Variants in SOX5 observed in about 807,000 individuals in gnomAD.
SOX5 encodes the protein SRY-box transcription factor 5, also known as transcription factor SOX-5.
A neutral mutation model predicts 92.0 loss-of-function variants in SOX5; 9 were observed. That is an observed-to-expected ratio of 0.10 (90% CI 0.06 to 0.17). SOX5 has a LOEUF of 0.17. Ranked by LOEUF, SOX5 falls within the 10% of genes least tolerant of loss-of-function variation. The pLI, the probability that SOX5 is intolerant of heterozygous loss-of-function variation, is 1.00. For synonymous variants in SOX5, 344 were observed against 336.3 expected (o/e 1.02, Z -0.25); for missense variants, 642 against 944.5 (o/e 0.68, Z 4.20).
At chr12:24,304,829 AG>A (rs1223028660) in intron 2 of SOX5, among the ~76,000 whole-genome samples, 1 of 152,132 alleles carries the variant, frequency 6.6e-6, no homozygotes, top group Non-Finnish European at 1.5e-5. Context: ...TGGACAGTCT[AG>A]ACCCTCCCTC....
chr12:24,164,713 C>T (rs1350966721), intron 4 of SOX5, among the ~76,000 whole-genome samples: 2 of 152,054 alleles, frequency 1.3e-5, no homozygotes, highest in African/African-American at 4.8e-5. Flanking sequence ...TTACTTTTCA[C>T]TTGTGTTATC....
chr12:23,709,865 T>C (rs1224384828), intron 6 of SOX5, among the ~76,000 whole-genome samples: 3 of 152,182 alleles, frequency 2.0e-5, no homozygotes, highest in Non-Finnish European at 4.4e-5. Flanking sequence ...TGGATGAATT[T>C]TGAACATTTA....
At chr12:24,065,790 C>T (rs547801737) in intron 4 of SOX5, among the ~76,000 whole-genome samples, 108 of 152,196 alleles carry the variant, frequency 7.1e-4, no homozygotes, top group African/African-American at 2.5e-3. Flanking sequence ...ACTTTGTGCC[C>T]AGGCCCTTAA....
chr12:24,082,585 G>A (rs1023704590), intron 4 of SOX5, among the ~76,000 whole-genome samples: 3 of 151,550 alleles, frequency 2.0e-5, no homozygotes, highest in Admixed American at 1.3e-4. Flanking sequence ...TGCAAGAAAC[G>A]GTGCCCTTAT....
intron 2 of SOX5, among the ~76,000 whole-genome samples, chr12:23,863,960 A>G (rs1332222291): frequency 1.3e-5 from 2 of 151,492 alleles, no homozygotes; most frequent in Non-Finnish European, 1.5e-5. Flanking sequence ...ACTCTGCTTT[A>G]CTGTGCTCCA....
intron 1 of SOX5, among the ~76,000 whole-genome samples, chr12:24,512,085 G>A (rs1021750700): frequency 1.1e-4 from 16 of 151,896 alleles, no homozygotes; most frequent in East Asian, 1.9e-4. Flanking sequence ...TTCCAATCAC[G>A]GGGAATATAA....
chr12:23,808,114 GAT>G (rs68032222), intron 3 of SOX5, among the ~76,000 whole-genome samples: 86,140 of 149,778 alleles, frequency 0.58, 24,685 homozygotes, highest in East Asian at 0.82. Flanking sequence ...TCAGAATTCT[GAT>G]ATATATATAT....
chr12:23,576,921 G>A (rs12229765), intron 9 of SOX5, among the ~76,000 whole-genome samples: 18,525 of 150,972 alleles, frequency 0.12, 1,482 homozygotes, highest in Non-Finnish European at 0.17. Context: ...TAGTTTCCAC[G>A]TAGCTATTTC....
At chr12:23,954,674 T>C (rs924076690), upstream of SOX5, among the ~76,000 whole-genome samples, 2 of 152,028 alleles carry the variant, frequency 1.3e-5, no homozygotes, top group African/African-American at 2.4e-5. Context: ...CCATAATACA[T>C]GTATGCCAAG....
intron 3 of SOX5, among the ~76,000 whole-genome samples, chr12:23,801,978 T>C (rs1240239889): frequency 6.6e-6 from 1 of 152,200 alleles, no homozygotes; most frequent in Non-Finnish European, 1.5e-5. Context: ...GAAAGTCTTT[T>C]TCTGGGAAAT....
chr12:23,726,118 C>CGAGAGAGA lies in SOX5; in HGVS notation c.810+8558_810+8565dup, dbSNP rs60575337. Among the ~76,000 whole-genome samples the CGAGAGAGA allele has an allele frequency of 4.1e-3, 508 of 123,594 alleles. 14 individuals are homozygous for CGAGAGAGA. The highest frequency in any genetic ancestry group is 6.1e-3 in the Non-Finnish European group (359 of 59,278). 81.1% of individuals were successfully genotyped at this position (123,594 alleles called of 152,430 possible). A position where few individuals can be genotyped will look rare whatever the true frequency, so the allele number is the denominator to read the frequency against. On this transcript the variant is annotated intron_variant, in intron 6 of 14. Coordinates refer to ENST00000451604, the MANE Select transcript of SOX5 (RefSeq NM_006940.6). ...TAATGGTGTTAAATACATACATCCCCGAGAGAGAGAGAGAGAGAGAGAGAG... is the reference window on the plus strand; with the variant it reads ...TAATGGTGTTAAATACATACATCCCCGAGAGAGAGAGAGAGAGAGAGAGAGAGAGAGAG...
chr12:24,429,651 C>CACA (rs1365408633), intron 1 of SOX5, among the ~76,000 whole-genome samples: 1 of 150,184 alleles, frequency 6.7e-6, no homozygotes, highest in African/African-American at 2.4e-5. Flanking sequence ...CACACACACA[C>CACA]CCCATGAGCA....
intron 1 of SOX5, among the ~76,000 whole-genome samples, chr12:24,373,779 G>A (rs905878481): frequency 2.0e-5 from 3 of 152,140 alleles, no homozygotes; most frequent in Admixed American, 1.3e-4. Flanking sequence ...ACTGCCACTC[G>A]TAACAGATAT....
chr12:24,553,509 T>C (rs1295965884), intron 1 of SOX5, among the ~76,000 whole-genome samples: 1 of 152,200 alleles, frequency 6.6e-6, no homozygotes, highest in Non-Finnish European at 1.5e-5. Flanking sequence ...AGCAATCATG[T>C]ATGTGGTTGC....
intron 2 of SOX5, among the ~76,000 whole-genome samples, chr12:24,285,330 G>A (rs77893809): frequency 0.035 from 5,266 of 152,184 alleles, 166 homozygotes; most frequent in East Asian, 0.079. Flanking sequence ...AACAGCATGA[G>A]GCCCAGTATG....
At chr12:23,817,916 C>T (rs2096028125) in intron 3 of SOX5, among the ~76,000 whole-genome samples, 1 of 152,084 alleles carries the variant, frequency 6.6e-6, no homozygotes, top group African/African-American at 2.4e-5. Context: ...AGTAAGACCT[C>T]CATAAATGTT....
At chr12:23,930,438 G>A (rs1238914507) in intron 1 of SOX5, among the ~76,000 whole-genome samples, 2 of 151,630 alleles carry the variant, frequency 1.3e-5, no homozygotes, top group African/African-American at 4.8e-5. Context: ...ATTTATAGAG[G>A]GAGGAGGATG....
At chr12:23,706,197 A>G (rs1382825) in intron 6 of SOX5, among the ~76,000 whole-genome samples, 78,383 of 151,820 alleles carry the variant, frequency 0.52, 21,119 homozygotes, top group East Asian at 0.8. Context: ...AGAAAACAAT[A>G]TGAGTCAGCC....
chr12:24,290,731 A>G (rs946014752), intron 2 of SOX5, among the ~76,000 whole-genome samples: 3 of 152,188 alleles, frequency 2.0e-5, no homozygotes, highest in Admixed American at 2.0e-4. Context: ...AAAAATAGAT[A>G]GTTTCAAAAG....
Sources: gnomAD v4.1 joint callset for allele counts (sites outside exome capture counted in the v4.1 genomes callset) on GRCh38, gnomAD v4.1.1 for gene constraint, MANE v1.5 for transcripts, NCBI Gene and HGNC (gene_info 2026-07-23, HGNC 2026-07-21) for gene names.